The following LSAMP variants were observed in gnomAD, a reference collection of about 807,000 sequenced individuals.
LSAMP encodes limbic system associated membrane protein, also known as limbic system-associated membrane protein.
In LSAMP, 7 loss-of-function variants were observed where a neutral mutation model predicts 38.6. That is an observed-to-expected ratio of 0.18 (90% CI 0.10 to 0.34). The LOEUF is 0.34. Ranked by LOEUF, LSAMP falls within the 10% of genes least tolerant of loss-of-function variation. The pLI is 1.00. For missense variants in LSAMP, 313 were observed against 420.0 expected (o/e 0.75, Z 2.23); for synonymous variants, 154 against 166.8 (o/e 0.92, Z 0.59).
intron 1 of LSAMP, among the ~76,000 whole-genome samples, chr3:116,151,803 C>T (rs1018286063): frequency 6.6e-5 from 10 of 152,004 alleles, no homozygotes; most frequent in African/African-American, 4.8e-5. Context: ...ACCCTGTGCT[C>T]GCCACTCCAC....
At chr3:116,142,832 A>G (rs1709402479) in intron 1 of LSAMP, among the ~76,000 whole-genome samples, 1 of 151,878 alleles carries the variant, frequency 6.6e-6, no homozygotes, top group Admixed American at 6.6e-5. Context: ...GGCAGATTGA[A>G]GGTGATATCA....
intron 1 of LSAMP, among the ~76,000 whole-genome samples, chr3:116,406,986 C>G (rs558198530): frequency 6.6e-6 from 1 of 152,160 alleles, no homozygotes; most frequent in Admixed American, 6.5e-5. Flanking sequence ...CTTAAGCCAC[C>G]TGTCTTTGAT....
At chr3:115,926,958 T>C (rs147205651) in intron 3 of LSAMP, among the ~76,000 whole-genome samples, 377 of 152,344 alleles carry the variant, frequency 2.5e-3, no homozygotes, top group African/African-American at 8.7e-3. Flanking sequence ...AGTAACTTTG[T>C]CTTATTCTTC....
Position 116,350,685 on chromosome 3 carries a change from G to C in LSAMP, c.155+94192C>G, listed in dbSNP as rs140226822. 7.1e-4 allele frequency among the ~76,000 whole-genome samples: 107 copies of C among 151,304 alleles called. 2 individuals are homozygous for C. Among genetic ancestry groups the C allele is most frequent in the Admixed American group, 4.0e-4 (6 of 15,160 alleles). ...ACATAAGTAGTGATGCTAGCAATTT[G>C]AACATGCCGAAGAGAAGCCATAAAG... On this transcript the variant is annotated intron_variant, in intron 1 of 6. Coordinates refer to ENST00000490035, the MANE Select transcript of LSAMP (RefSeq NM_002338.5).
chr3:116,166,787 G>GTTT (rs35340943), intron 1 of LSAMP, among the ~76,000 whole-genome samples: 72 of 118,802 alleles, frequency 6.1e-4, no homozygotes, highest in South Asian at 8.4e-4. Context: ...TTTTTTTTTT[G>GTTT]TTTTTTTTTT....
intron 1 of LSAMP, among the ~76,000 whole-genome samples, chr3:116,190,883 C>T (rs1336722855): frequency 1.3e-5 from 2 of 152,046 alleles, no homozygotes; most frequent in Non-Finnish European, 2.9e-5. Flanking sequence ...ACGTCTATTC[C>T]AGCTTCAACA....
chr3:115,815,431 C>A (rs1933986917), intron 6 of LSAMP, among the ~76,000 whole-genome samples: 1 of 152,124 alleles, frequency 6.6e-6, no homozygotes, highest in Non-Finnish European at 1.5e-5. Flanking sequence ...TGAATGTGAG[C>A]TCTTCCTACA....
chr3:116,233,043 C>G (rs1415658693), intron 1 of LSAMP, among the ~76,000 whole-genome samples: 2 of 152,024 alleles, frequency 1.3e-5, no homozygotes, highest in Non-Finnish European at 2.9e-5. Flanking sequence ...ACAGTTGATT[C>G]TTTTCTCGCT....
rs528039275 is a variant in LSAMP at position 115,873,443 on chromosome 3, C to A, written c.515-20826G>T. On this transcript the variant is annotated intron_variant, in intron 3 of 6. Coordinates refer to ENST00000490035, the MANE Select transcript of LSAMP (RefSeq NM_002338.5). ...CAGAAATTCTGTTTCAGAGAAAGGA[C>A]TAGGCTAAAAGGAGATCTATGGCAT... Among the ~76,000 whole-genome samples, 4 of 149,460 alleles carry A rather than the reference C, an allele frequency of 2.7e-5. No individual in the cohort carries two copies. In the South Asian group the frequency reaches 8.5e-4, roughly 32 times the overall value.
chr3:116,199,548 G>C (rs1299603686), intron 1 of LSAMP, among the ~76,000 whole-genome samples: 2 of 152,196 alleles, frequency 1.3e-5, no homozygotes, highest in Non-Finnish European at 2.9e-5. Flanking sequence ...GTAAGCACTA[G>C]TCTTAGCACC....
chr3:116,117,869 G>C (rs1708786944), intron 1 of LSAMP, among the ~76,000 whole-genome samples: 1 of 152,122 alleles, frequency 6.6e-6, no homozygotes, highest in African/African-American at 2.4e-5. Flanking sequence ...GCCTGAGGTA[G>C]TGTTTGTCAG....
At chr3:116,206,586 A>G (rs2046072681) in intron 1 of LSAMP, among the ~76,000 whole-genome samples, 1 of 138,356 alleles carries the variant, frequency 7.2e-6, no homozygotes, top group Non-Finnish European at 1.6e-5. Flanking sequence ...TGTGTCCCAG[A>G]GATTCTGGTA....
chr3:116,182,442 A>T (rs1451883418), intron 1 of LSAMP, among the ~76,000 whole-genome samples: 1 of 151,550 alleles, frequency 6.6e-6, no homozygotes, highest in Non-Finnish European at 1.5e-5. Flanking sequence ...GCACTCATGA[A>T]ACTTAGAGCC....
chr3:116,158,770 C>T (rs1483313965), intron 1 of LSAMP, among the ~76,000 whole-genome samples: 2 of 152,126 alleles, frequency 1.3e-5, no homozygotes, highest in African/African-American at 4.8e-5. Context: ...AATGGTCATA[C>T]TGCCCGAAGC....
At chr3:115,971,301 AAAAC>A (rs1393158390) in intron 3 of LSAMP, among the ~76,000 whole-genome samples, 11 of 152,212 alleles carry the variant, frequency 7.2e-5, no homozygotes, top group African/African-American at 2.7e-4. Flanking sequence ...GTTTCATAAT[AAAAC>A]AGAGATCCAA....
At chr3:116,194,713 C>G (rs1233834152) in intron 1 of LSAMP, among the ~76,000 whole-genome samples, 1 of 152,270 alleles carries the variant, frequency 6.6e-6, no homozygotes, top group Admixed American at 6.5e-5. Context: ...TCCTAAATAG[C>G]CCACTACGCC....
At chr3:116,214,089 T>A (rs73140964) in intron 1 of LSAMP, among the ~76,000 whole-genome samples, 8 of 152,254 alleles carry the variant, frequency 5.3e-5, no homozygotes, top group Non-Finnish European at 1.2e-4. Flanking sequence ...TTTTAAAAAA[T>A]TTATGGGATA....
chr3:116,098,658 C>G (rs1469123103), intron 1 of LSAMP, among the ~76,000 whole-genome samples: 2 of 152,100 alleles, frequency 1.3e-5, no homozygotes, highest in African/African-American at 4.8e-5. Context: ...GAATTATTTT[C>G]TTCAGCTTTG....
intron 4 of LSAMP, among the ~76,000 whole-genome samples, chr3:115,850,455 A>G (rs1024140464): frequency 2.6e-5 from 4 of 152,240 alleles, no homozygotes; most frequent in African/African-American, 9.6e-5. Flanking sequence ...GGTTGTGTGT[A>G]CATAAAAGAA....
Sources: allele counts gnomAD v4.1 joint callset (sites outside exome capture counted in the v4.1 genomes callset), GRCh38; gene constraint gnomAD v4.1.1; transcripts MANE v1.5; gene names NCBI Gene and HGNC (gene_info 2026-07-23, HGNC 2026-07-21).